The following B4GALT2 variants were observed in gnomAD, a reference collection of about 807,000 sequenced individuals.
B4GALT2 encodes N-acetyllactosamine synthase.
Under a neutral mutation model 33.2 loss-of-function variants are expected in B4GALT2, and 18 were observed. The ratio of observed to expected loss-of-function variants is 0.54; its 90% CI spans 0.38 to 0.80. The LOEUF (loss-of-function observed/expected upper bound fraction) is 0.80, where lower values mean the gene tolerates loss of function less well. B4GALT2 is among the 30% of genes least tolerant of loss of function. The pLI, the probability that B4GALT2 is intolerant of heterozygous loss-of-function variation, is 0.00. For synonymous variants in B4GALT2, 214 were observed against 217.6 expected (o/e 0.98, Z 0.15); for missense variants, 404 against 526.2 (o/e 0.77, Z 2.27).
rs771816100 is a variant in B4GALT2 at position 43,981,482 on chromosome 1, G to T, written c.313+9G>T. On this transcript the variant is annotated intron_variant, in intron 2 of 6. Transcript: ENST00000372324. The surrounding 1 kb of genome is among the most constrained non-coding windows in gnomAD (Gnocchi z 8.1). ...CTCGCCACCTGGTCTTGGTGAGCCT[G>T]GAGGGTAGGGCCTGCCTGTGGGGAA... 5 of 1,568,194 alleles carry T rather than the reference G, an allele frequency of 3.2e-6. No individual in the cohort carries two copies. In the South Asian group the frequency reaches 5.7e-5, roughly 18 times the overall value.
chr1:43,989,273 G>A lies in B4GALT2; in HGVS notation c.969-1025G>A, dbSNP rs2085695100. Among the ~76,000 whole-genome samples, 3 of 148,198 alleles carry A rather than the reference G, an allele frequency of 2.0e-5. No homozygotes were observed. In the South Asian group the frequency reaches 6.4e-4, roughly 32 times the overall value. ...AGGCAGGAGAATCGCTTGAACCTGG[G>A]AAGTGGAGGGTGCAGTGAGCCGAGG... On this transcript the variant is annotated intron_variant, in intron 6 of 6. Transcript: ENST00000372324.
At chr1:43,985,470 T>C (rs752562192) in intron 5 of B4GALT2, 47 bp from the exon 6 acceptor site, 1 of 1,592,448 alleles carries the variant, frequency 6.3e-7, no homozygotes, top group Non-Finnish European at 8.6e-7. Flanking sequence ...GGTGGGGTTC[T>C]TTGCCCTTCC....
At chr1:43,980,698 C>A in intron 1 of B4GALT2, 1 of 644,186 alleles carries the variant, frequency 1.6e-6, no homozygotes, top group Non-Finnish European at 2.0e-6. Flanking sequence ...GGTGTCTGTT[C>A]TCAGGGGCAC....
chr1:43,982,487 G>C lies in B4GALT2; in HGVS notation c.549+563G>C, dbSNP rs1476770717. On this transcript the variant is annotated intron_variant, in intron 3 of 6. Transcript: ENST00000372324. This position sits in a 1 kb window ranked among gnomAD's most constrained non-coding sequence, Gnocchi z 4.3. The stretch of plus-strand genomic sequence containing the variant: ...TGGAGCAGGGGGCCGTGGGAGCACA[G>C]AGGGCCCCAGTCCAGCCCTGGGGTT... Among the ~76,000 whole-genome samples, 1 of 152,192 alleles carries C rather than the reference G, an allele frequency of 6.6e-6. No individual in the cohort carries two copies.
chr1:43,984,838 G>A lies in B4GALT2; in HGVS notation c.550-27G>A. 6.2e-7 allele frequency: 1 copy of A among 1,608,238 alleles called. No individual in the cohort carries two copies. On this transcript the variant is annotated intron_variant, in intron 3 of 6. Transcript: ENST00000372324. This position sits in a 1 kb window ranked among gnomAD's most constrained non-coding sequence, Gnocchi z 5.6. ...AGGTGCTTGTTGGTCACAGGCCCAGGGTTGACCTGCTCCTCCCCCTACCCA... is the reference window on the plus strand; with the variant it reads ...AGGTGCTTGTTGGTCACAGGCCCAGAGTTGACCTGCTCCTCCCCCTACCCA...
intron 6 of B4GALT2, among the ~76,000 whole-genome samples, chr1:43,986,748 C>T (rs890552865): frequency 6.6e-6 from 1 of 152,116 alleles, no homozygotes; most frequent in Non-Finnish European, 1.5e-5. Context: ...CATGGAAGAA[C>T]CTGAAGAAGG....
chr1:43,989,839 T>C (rs2085705306), intron 6 of B4GALT2, among the ~76,000 whole-genome samples: 1 of 152,194 alleles, frequency 6.6e-6, no homozygotes, highest in South Asian at 2.1e-4. Context: ...CAAATTTTTT[T>C]CTATTATTTA....
Position 43,981,798 on chromosome 1 carries a change from A to C in B4GALT2, c.423A>C (p.Pro141=). 1 of 1,613,798 alleles carries C rather than the reference A, an allele frequency of 6.2e-7. No individual in the cohort carries two copies. The highest frequency in any genetic ancestry group is 1.1e-5 in the South Asian group (1 of 91,084). The part of the protein sequence containing the change: ...GGRYTPPDCT[P]AQTVAVIIPF... ...GATACACACCGCCCGACTGCACCCC[A>C]GCCCAGACGGTGGCGGTCATCATCC... Residue 141 remains proline (P), a synonymous_variant, in exon 3 of 7, where the codon CCA becomes CCC. Coordinates refer to ENST00000372324, the MANE Select transcript of B4GALT2 (RefSeq NM_003780.5). This position sits in a 1 kb window ranked among gnomAD's most constrained non-coding sequence, Gnocchi z 8.1.
In B4GALT2 at chr1:43,990,445, C is replaced by T. The variant is rs747223509; in HGVS notation, c.1116C>T (p.Gly372=). ...IGRPPSWPPR[G] Reference sequence around the variant, plus strand: ...GGCCTCCGTCGTGGCCCCCTCGGGGCTGACACTAATGGACAGAGGCTCTCG... The same window carrying T: ...GGCCTCCGTCGTGGCCCCCTCGGGGTTGACACTAATGGACAGAGGCTCTCG... The change falls in exon 7 of 7, where the codon GGC becomes GGT. Residue 372 remains glycine (G), a synonymous_variant. Transcript: ENST00000372324. The T allele has an allele frequency of 9.3e-6, 15 of 1,614,040 alleles. 1 individual carries two copies. The highest frequency in any genetic ancestry group is 1.3e-5 in the Non-Finnish European group (15 of 1,180,014).
intron 4 of B4GALT2, 96 bp downstream of exon 4, chr1:43,985,151 C>G (rs1179151780): frequency 1.0e-5 from 16 of 1,569,158 alleles, no homozygotes; most frequent in Middle Eastern, 1.8e-4. Flanking sequence ...CTGGCTGTGG[C>G]CCAGACCCCA....
Position 43,981,608 on chromosome 1 carries a change from C to T in B4GALT2, c.314-81C>T. On this transcript the variant is annotated intron_variant, in intron 2 of 6. Coordinates refer to ENST00000372324, the MANE Select transcript of B4GALT2 (RefSeq NM_003780.5). The surrounding 1 kb of genome is among the most constrained non-coding windows in gnomAD (Gnocchi z 8.1). Reference sequence around the variant, plus strand: ...GAGGGCTATTCTTGGGGTTCCCTAGCCCACCCCCAGGCTGAGGGTGGGGGC... The same window carrying T: ...GAGGGCTATTCTTGGGGTTCCCTAGTCCACCCCCAGGCTGAGGGTGGGGGC... 6.5e-7 allele frequency: 1 copy of T among 1,537,220 alleles called. No individual in the cohort carries two copies. The highest frequency in any genetic ancestry group is 8.8e-7 in the Non-Finnish European group (1 of 1,139,002).
chr1:43,981,742 A>C lies in B4GALT2; in HGVS notation c.367A>C (p.Arg123=). ...TSPMPLERVQ[R]ENPGVLMGGR... is the part of the protein sequence containing the mutation. ...ACCCATGCCCCTGGAGCGGGTGCAG[A>C]GGGAGAACCCAGGCGTGCTCATGGG... The change falls in exon 3 of 7, where the codon AGG becomes CGG. Residue 123 remains arginine (R), a synonymous_variant. Transcript: ENST00000372324. The surrounding 1 kb of genome is among the most constrained non-coding windows in gnomAD (Gnocchi z 8.1). 1.2e-6 allele frequency: 2 copies of C among 1,613,412 alleles called. No individual in the cohort carries two copies. Among genetic ancestry groups the C allele is most frequent in the South Asian group, 2.2e-5 (2 of 91,070 alleles).
intron 3 of B4GALT2, among the ~76,000 whole-genome samples, chr1:43,983,859 G>A (rs61770309): frequency 6.6e-6 from 1 of 152,114 alleles, no homozygotes; most frequent in Non-Finnish European, 1.5e-5. Context: ...GAGCTGGCAG[G>A]GCTGGGCAGG....
At chr1:43,989,703 A>G (rs1395362281) in intron 6 of B4GALT2, among the ~76,000 whole-genome samples, 1 of 152,212 alleles carries the variant, frequency 6.6e-6, no homozygotes, top group Non-Finnish European at 1.5e-5. Context: ...GCTGGCTAGA[A>G]CCAGTCCATG....
At chr1:43,985,128 G>A in intron 4 of B4GALT2, 73 bp downstream of exon 4, 1 of 1,583,950 alleles carries the variant, frequency 6.3e-7, no homozygotes, top group Non-Finnish European at 8.6e-7. Context: ...CAGCCCCCGA[G>A]CCCCGCTTGC....
intron 1 of B4GALT2, chr1:43,980,630 TC>T (rs1253997351): frequency 1.0e-6 from 1 of 974,016 alleles, no homozygotes; most frequent in Non-Finnish European, 1.2e-6. Context: ...TGCACAGTAT[TC>T]CGTCTCTTCC....
intron 1 of B4GALT2, chr1:43,980,222 C>T: frequency 1.4e-6 from 1 of 693,306 alleles, no homozygotes; most frequent in Non-Finnish European, 2.2e-6. Context: ...TCTCTTGGAA[C>T]CACAGCTGGA....
rs201447640 is a variant in B4GALT2, at chr1:43,985,437, G to C, written c.863+37G>C. The C allele has an allele frequency of 7.3e-3, 5,224 of 714,114 alleles. 150 individuals carry two copies. The highest frequency in any genetic ancestry group is 0.011 in the Non-Finnish European group (4,852 of 438,800). The allele number at this position is 714,114 out of a possible 1,614,324, so 44.2% of individuals were successfully genotyped here. A position where few individuals can be genotyped will look rare whatever the true frequency, so the allele number is the denominator to read the frequency against. ...CGCGGTGGGGAATAGGCTGGGTGGG[G>C]GGGGGAGGGGGGGTGCAGACTGGGT... On this transcript the variant is annotated intron_variant, in intron 5 of 6. Coordinates refer to ENST00000372324, the MANE Select transcript of B4GALT2 (RefSeq NM_003780.5).
In B4GALT2 at chr1:43,984,893, A is replaced by G; in HGVS notation, c.578A>G (p.Lys193Arg). The change falls in exon 4 of 7, where the codon AAG (lysine) becomes AGG (arginine). Residue 193 changes from lysine to arginine, a missense_variant. Lys to Arg is a conservative substitution (Grantham distance 26). Coordinates refer to ENST00000372324, the MANE Select transcript of B4GALT2 (RefSeq NM_003780.5). The surrounding 1 kb of genome is among the most constrained non-coding windows in gnomAD (Gnocchi z 5.6). ...QHGEDTFNRA[K>R]LLNVGFLEAL... The stretch of plus-strand genomic sequence containing the variant: ...GGTGAGGACACCTTCAACCGGGCCA[A>G]GCTGCTTAACGTGGGCTTCCTAGAG... 1.2e-6 allele frequency: 2 copies of G among 1,613,996 alleles called. No homozygotes were observed. Among genetic ancestry groups the G allele is most frequent in the Non-Finnish European group, 1.7e-6 (2 of 1,179,978 alleles).
Sources: gnomAD v4.1 joint callset for allele counts (sites outside exome capture counted in the v4.1 genomes callset) on GRCh38, gnomAD v4.1.1 for gene constraint, Gnocchi (gnomAD v3.1) non-coding constraint, MANE v1.5 for transcripts, NCBI Gene and HGNC (gene_info 2026-07-23, HGNC 2026-07-21) for gene names.